The following TEX48 variants were observed in gnomAD, a reference collection of about 807,000 sequenced individuals.
The protein encoded by TEX48 is testis expressed 48.
TEX48 carries 10 observed loss-of-function variants against 13.2 expected under a neutral mutation model. That is an observed-to-expected ratio of 0.75 (90% confidence interval 0.47 to 1.28). TEX48 has a LOEUF of 1.28. Ranked by LOEUF, TEX48 falls within the 50% of genes most tolerant of loss-of-function variation. TEX48 has a pLI of 0.00. For missense variants in TEX48, 116 were observed against 139.4 expected (o/e 0.83, Z 0.84); for synonymous variants, 45 against 52.3 (o/e 0.86, Z 0.60).
At chr9:114,677,794 G>A (rs1331138088) in intron 1 of TEX48, among the ~76,000 whole-genome samples, 3 of 151,870 alleles carry the variant, frequency 2.0e-5, no homozygotes, top group African/African-American at 7.3e-5. Flanking sequence ...TCGGGAGTCA[G>A]TAATTTTCAG....
In TEX48 at chr9:114,674,640, TC is replaced by T. The variant is rs1261913362; in HGVS notation, c.-104-2814del. Among the ~76,000 whole-genome samples the T allele has an allele frequency of 6.0e-3, 827 of 136,730 alleles. 48 individuals are homozygous for T. The highest frequency in any genetic ancestry group is 0.02 in the African/African-American group (695 of 35,410). 89.7% of individuals were successfully genotyped at this position (136,730 alleles called of 152,430 possible). ...TTCCTTCCTTCCTTCCTTCCTTCCT[TC>T]CTTCCTTCCTTCCTTCCTTCCTTCC... On this transcript the variant is annotated intron_variant, in intron 1 of 4. Coordinates refer to ENST00000436752, the MANE Select transcript of TEX48 (RefSeq NM_001199233.2).
chr9:114,678,963 T>C (rs1828132437), intron 1 of TEX48, among the ~76,000 whole-genome samples: 1 of 151,970 alleles, frequency 6.6e-6, no homozygotes, highest in African/African-American at 2.4e-5. Context: ...AGCATGGACT[T>C]GAGAGGGTAA....
chr9:114,677,924 C>T (rs571898740), intron 1 of TEX48, among the ~76,000 whole-genome samples: 1 of 152,098 alleles, frequency 6.6e-6, no homozygotes, highest in East Asian at 1.9e-4. Context: ...GTCTCATCTG[C>T]ATTAAGGTTG....
At chr9:114,668,138 G>C in intron 4 of TEX48, 68 bp downstream of exon 4, 1 of 1,526,368 alleles carries the variant, frequency 6.6e-7, no homozygotes, top group Non-Finnish European at 8.8e-7. Context: ...AATGGGGTCT[G>C]GTTATTAGGA....
At position 114,668,262 on chromosome 9, in the gene TEX48, C is replaced by G; in HGVS notation, c.203G>C (p.Arg68Thr). 6.5e-7 allele frequency: 1 copy of G among 1,535,612 alleles called. No homozygotes were observed. Reference protein sequence around the residue: ...RINAVSHLPSRTPLIQTKKST... With the variant: ...RINAVSHLPSTTPLIQTKKST... ...CTTTTTTGTCTGGATCAGGGGTGTT[C>G]TCGAAGGCAAATGGGAGACTGCGTT... is the stretch of plus-strand genomic sequence containing the variant. The change falls in exon 4 of 5, where the codon AGA becomes ACA. Residue 68 changes from arginine to threonine, a missense_variant. Physicochemically the swap from Arg to Thr is moderately conservative, Grantham distance 71 (BLOSUM62 -1). Transcript: ENST00000436752.
intron 1 of TEX48, among the ~76,000 whole-genome samples, chr9:114,677,958 G>A (rs973005256): frequency 1.3e-5 from 2 of 151,784 alleles, no homozygotes; most frequent in African/African-American, 4.8e-5. Context: ...GAAAAACTCC[G>A]TATATATACT....
chr9:114,674,990 A>G (rs1236419928), intron 1 of TEX48, among the ~76,000 whole-genome samples: 4 of 151,900 alleles, frequency 2.6e-5, no homozygotes, highest in African/African-American at 9.7e-5. Context: ...AACACTCTAC[A>G]TAATTTGCTA....
intron 1 of TEX48, among the ~76,000 whole-genome samples, chr9:114,678,554 G>A (rs112640896): frequency 7.2e-5 from 11 of 152,096 alleles, no homozygotes; most frequent in African/African-American, 1.9e-4. Flanking sequence ...AGTTCATTTC[G>A]TTGTTGACCT....
At chr9:114,670,399 C>G (rs933487264) in intron 3 of TEX48, among the ~76,000 whole-genome samples, 1 of 152,140 alleles carries the variant, frequency 6.6e-6, no homozygotes. Context: ...TATCCTGTCT[C>G]TCAGTGGGAC....
intron 3 of TEX48, among the ~76,000 whole-genome samples, chr9:114,670,716 G>A (rs1827931882): frequency 6.6e-6 from 1 of 152,112 alleles, no homozygotes; most frequent in Non-Finnish European, 1.5e-5. Context: ...CTTTGTGCAA[G>A]CAAGAAATAC....
intron 3 of TEX48, among the ~76,000 whole-genome samples, chr9:114,668,602 T>C (rs1827884859): frequency 6.6e-6 from 1 of 152,228 alleles, no homozygotes; most frequent in African/African-American, 2.4e-5. Context: ...ATGCATAGAA[T>C]GTGTAATGAT....
At position 114,680,120 on chromosome 9, in the gene TEX48, C is replaced by CTTTTTTTTTTTTTTTT. The variant is rs2079145442; in HGVS notation, c.-105+1914_-105+1915insAAAAAAAAAAAAAAAA. Among the ~76,000 whole-genome samples the CTTTTTTTTTTTTTTTT allele has an allele frequency of 3.5e-3, 182 of 52,070 alleles. 7 individuals are homozygous for CTTTTTTTTTTTTTTTT. The highest frequency in any genetic ancestry group is 4.7e-3 in the African/African-American group (59 of 12,422). 34.2% of individuals were successfully genotyped at this position (52,070 alleles called of 152,430 possible). On this transcript the variant is annotated intron_variant, in intron 1 of 4. Coordinates refer to ENST00000436752, the MANE Select transcript of TEX48 (RefSeq NM_001199233.2). Reference sequence around the variant, plus strand: ...GAAAATACTTTTAATTGTCATTGTCCCTTTTTTTTTTTTTTTTTTTTTTTG... The same window carrying CTTTTTTTTTTTTTTTT: ...GAAAATACTTTTAATTGTCATTGTCCTTTTTTTTTTTTTTTTCTTTTTTTTTTTTTTTTTTTTTTTG...
chr9:114,678,893 G>C (rs1828130185), intron 1 of TEX48, among the ~76,000 whole-genome samples: 1 of 148,426 alleles, frequency 6.7e-6, no homozygotes, highest in African/African-American at 2.5e-5. Flanking sequence ...AAATGTTTAA[G>C]AGTAGCAGGA....
intron 1 of TEX48, among the ~76,000 whole-genome samples, chr9:114,681,434 C>T (rs1231203998): frequency 6.6e-6 from 1 of 152,116 alleles, no homozygotes; most frequent in Admixed American, 6.5e-5. Context: ...TCTTGGAGAT[C>T]TACTGTTAGC....
chr9:114,677,089 C>T (rs75512688), intron 1 of TEX48, among the ~76,000 whole-genome samples: 1 of 152,306 alleles, frequency 6.6e-6, no homozygotes, highest in East Asian at 1.9e-4. Flanking sequence ...TGCACATAAG[C>T]TGTTCCTTGT....
At chr9:114,681,701 C>G (rs1293944779) in intron 1 of TEX48, among the ~76,000 whole-genome samples, 1 of 152,052 alleles carries the variant, frequency 6.6e-6, no homozygotes, top group Non-Finnish European at 1.5e-5. Flanking sequence ...TAGAGGGAAG[C>G]AGAAACCAAA....
At chr9:114,681,827 C>A (rs184108712) in intron 1 of TEX48, among the ~76,000 whole-genome samples, 132 of 6,488 alleles carry the variant, frequency 0.02, 2 homozygotes, top group South Asian at 0.2. Context: ...TCTGGCGCTG[C>A]GGGCGGGGGT....
chr9:114,668,390 G>T, intron 3 of TEX48, 53 bp from the exon 4 acceptor site: 1 of 1,497,100 alleles, frequency 6.7e-7, no homozygotes, highest in Non-Finnish European at 9.0e-7. Flanking sequence ...GTGAGATCAC[G>T]GAAGTGAAGA....
chr9:114,681,220 A>G (rs1163930481), intron 1 of TEX48, among the ~76,000 whole-genome samples: 1 of 152,186 alleles, frequency 6.6e-6, no homozygotes, highest in Admixed American at 6.5e-5. Flanking sequence ...CAGCGATCTG[A>G]AGCGCAGGTT....
Sources: gnomAD v4.1 joint callset for allele counts (sites outside exome capture counted in the v4.1 genomes callset) on GRCh38, gnomAD v4.1.1 for gene constraint, MANE v1.5 for transcripts, NCBI Gene and HGNC (gene_info 2026-07-23, HGNC 2026-07-21) for gene names.